THADA: variants seen among roughly 807,000 people sequenced by gnomAD.
THADA encodes THADA armadillo repeat containing.
THADA carries 213 observed loss-of-function variants against 219.8 expected under a neutral mutation model. The ratio of observed to expected loss-of-function variants is 0.97; its 90% CI spans 0.87 to 1.09. The LOEUF (loss-of-function observed/expected upper bound fraction) is 1.09. Among genes scored for constraint, THADA ranks in the 50% least tolerant of loss-of-function variants. The probability of loss-of-function intolerance (pLI) is 0.00; values close to 1 mark genes in which losing one functional copy is unlikely to be tolerated. For missense variants in THADA, 2,956 were observed against 2,311.3 expected, an observed-to-expected ratio of 1.28 and a Z score of -5.72; for synonymous variants, 1,018 against 828.9, an observed-to-expected ratio of 1.23 and a Z score of -3.92.
intron 36 of THADA, among the ~76,000 whole-genome samples, chr2:43,248,156 TATATATATAGAGAG>T (rs1276387995): frequency 8.2e-4 from 62 of 76,034 alleles, no homozygotes; most frequent in South Asian, 4.8e-3. Context: ...TATATATATA[TATATATATAGAGAG>T]AGAGAGAGAG....
intron 1 of THADA, among the ~76,000 whole-genome samples, chr2:43,593,866 C>A (rs975323326): frequency 6.6e-6 from 1 of 152,058 alleles, no homozygotes; most frequent in East Asian, 1.9e-4. Context: ...ATCTCCTGAC[C>A]TCGTGATCCA....
intron 15 of THADA, chr2:43,566,101 A>G: frequency 4.8e-6 from 1 of 207,458 alleles, no homozygotes; most frequent in Non-Finnish European, 9.4e-6. Flanking sequence ...ATAAAAAAAA[A>G]GGAATCATTT....
intron 36 of THADA, among the ~76,000 whole-genome samples, chr2:43,239,094 G>C (rs926624640): frequency 1.3e-5 from 2 of 152,220 alleles, no homozygotes; most frequent in African/African-American, 4.8e-5. Flanking sequence ...TGGTCATTTG[G>C]AATCATGTTG....
intron 30 of THADA, among the ~76,000 whole-genome samples, chr2:43,321,573 A>C (rs1391067264): frequency 6.6e-6 from 1 of 152,152 alleles, no homozygotes; most frequent in Non-Finnish European, 1.5e-5. Context: ...TATAAAGATG[A>C]GTTTGGCTTG....
At chr2:43,485,503 G>T (rs1158540404) in intron 25 of THADA, among the ~76,000 whole-genome samples, 178 bp from the exon 26 acceptor site, 1 of 151,958 alleles carries the variant, frequency 6.6e-6, no homozygotes, top group East Asian at 1.9e-4. Flanking sequence ...TCGATTCAAT[G>T]ACTTCAATTG....
At chr2:43,311,434 A>G (rs1677498968) in intron 31 of THADA, among the ~76,000 whole-genome samples, 1 of 152,224 alleles carries the variant, frequency 6.6e-6, no homozygotes, top group South Asian at 2.1e-4. Flanking sequence ...AGATGGTTGC[A>G]GACTCTTTGG....
chr2:43,348,491 G>T (rs1042696546), intron 29 of THADA, among the ~76,000 whole-genome samples: 1 of 152,204 alleles, frequency 6.6e-6, no homozygotes, highest in African/African-American at 2.4e-5. Context: ...GAGAGCCCCT[G>T]TGTTTATACT....
At chr2:43,546,211 T>C (rs1696011389) in intron 20 of THADA, among the ~76,000 whole-genome samples, 1 of 152,044 alleles carries the variant, frequency 6.6e-6, no homozygotes, top group South Asian at 2.1e-4. Context: ...GAGTTCTAGT[T>C]TGATTGCACT....
intron 4 of THADA, among the ~76,000 whole-genome samples, chr2:43,590,008 A>C (rs1701389422): frequency 6.6e-6 from 1 of 152,216 alleles, no homozygotes; most frequent in South Asian, 2.1e-4. Flanking sequence ...TTACAGATAT[A>C]TATAAAAAAA....
chr2:43,343,845 C>T, intron 30 of THADA: 1 of 327,064 alleles, frequency 3.1e-6, no homozygotes, highest in African/African-American at 2.1e-5. Context: ...TAACACAGGA[C>T]TGGGCACGCA....
intron 29 of THADA, chr2:43,391,672 C>G (rs1326966567): frequency 6.6e-6 from 1 of 152,084 alleles, no homozygotes; most frequent in South Asian, 2.1e-4. Context: ...AGTAATCTTT[C>G]TTTGGCACTC....
chr2:43,344,685 C>T (rs1667438266), intron 29 of THADA, among the ~76,000 whole-genome samples: 2 of 151,972 alleles, frequency 1.3e-5, no homozygotes, highest in Admixed American at 6.6e-5. Context: ...TTAGAACAGT[C>T]GTGGCTAAAG....
At chr2:43,283,491 G>T (rs1673616194) in intron 35 of THADA, among the ~76,000 whole-genome samples, 1 of 152,232 alleles carries the variant, frequency 6.6e-6, no homozygotes, top group Admixed American at 6.5e-5. Context: ...TGATCAAAAT[G>T]CTGACAGTGA....
In THADA at chr2:43,348,417, GA is replaced by G. The variant is rs1258307004; in HGVS notation, c.4228-4181del. Among the ~76,000 whole-genome samples, 3 of 152,262 alleles carry G rather than the reference GA, an allele frequency of 2.0e-5. No homozygotes were observed. In the East Asian group the frequency reaches 5.8e-4, roughly 29 times the overall value. The stretch of plus-strand genomic sequence containing the variant: ...TTGTTTTAAACTTTCGGAGAATCAA[GA>G]AAAAAATAAAATACTTACTGAACCC... On this transcript the variant is annotated intron_variant, in intron 29 of 37. Transcript: ENST00000405975.
Position 43,232,964 on chromosome 2 carries a change from T to A in THADA, c.5297-82A>T, listed in dbSNP as rs982687545. 4.9e-6 allele frequency: 7 copies of A among 1,442,560 alleles called. No homozygotes were observed. The African/African-American group carries it at 7.1e-5, about 15-fold the overall frequency. The allele number at this position is 1,442,560 out of a possible 1,614,324, so 89.4% of individuals were successfully genotyped here. On this transcript the variant is annotated intron_variant, in intron 36 of 37. Coordinates refer to ENST00000405975, the MANE Select transcript of THADA (RefSeq NM_022065.5). Reference sequence around the variant, plus strand: ...GCAGCCTGCAGGACCCTGGGAACAATAAAGGCCTCAGGTAAAATCGCTGCC... The same window carrying A: ...GCAGCCTGCAGGACCCTGGGAACAAAAAAGGCCTCAGGTAAAATCGCTGCC...
At chr2:43,549,084 A>C (rs1179127744) in intron 20 of THADA, 126 bp downstream of exon 20, 9 of 948,056 alleles carry the variant, frequency 9.5e-6, no homozygotes, top group Non-Finnish European at 1.3e-5. Flanking sequence ...AATTTTTAAA[A>C]AACTTTATTT....
chr2:43,271,424 G>C (rs1029903114), intron 36 of THADA, among the ~76,000 whole-genome samples: 5 of 152,060 alleles, frequency 3.3e-5, no homozygotes, highest in Admixed American at 1.3e-4. Flanking sequence ...AATCCAAACA[G>C]CTCCCCCACC....
At chr2:43,593,062 T>C (rs55735499) in intron 1 of THADA, among the ~76,000 whole-genome samples, 27,751 of 152,202 alleles carry the variant, frequency 0.18, 2,729 homozygotes, top group Middle Eastern at 0.28. Context: ...GGAAATGTCA[T>C]AGGGCTCTTC....
intron 22 of THADA, among the ~76,000 whole-genome samples, chr2:43,522,771 C>T (rs756326133): frequency 5.3e-5 from 8 of 152,036 alleles, no homozygotes; most frequent in Non-Finnish European, 1.0e-4. Flanking sequence ...AGAATGTATA[C>T]ATCAAGACAT....
Sources: gnomAD v4.1 joint callset for allele counts (sites outside exome capture counted in the v4.1 genomes callset) on GRCh38, gnomAD v4.1.1 for gene constraint, MANE v1.5 for transcripts, NCBI Gene and HGNC (gene_info 2026-07-23, HGNC 2026-07-21) for gene names.